Variants in GC observed in about 807,000 individuals in gnomAD.
GC encodes GC vitamin D binding protein.
In GC, 43 loss-of-function variants were observed where a neutral mutation model predicts 56.7. The ratio of observed to expected loss-of-function variants is 0.76; its 90% CI spans 0.59 to 0.98. The LOEUF (loss-of-function observed/expected upper bound fraction) is 0.98, where lower values mean the gene tolerates loss of function less well. Among genes scored for constraint, GC ranks in the 50% least tolerant of loss-of-function variants. The pLI is 0.00. For synonymous variants in GC, 216 were observed against 202.7 expected (o/e 1.07, Z -0.56); for missense variants, 529 against 545.9 (o/e 0.97, Z 0.31).
chr4:71,755,620 G>A (rs1166801435), intron 8 of GC, among the ~76,000 whole-genome samples: 2 of 152,120 alleles, frequency 1.3e-5, no homozygotes, highest in Non-Finnish European at 2.9e-5. Flanking sequence ...ACTTGCTATT[G>A]TGACTAGTCA....
At chr4:71,801,264 C>T (rs1375049964) in intron 1 of GC, among the ~76,000 whole-genome samples, 1 of 152,150 alleles carries the variant, frequency 6.6e-6, no homozygotes, top group Admixed American at 6.5e-5. Context: ...CAAAGCAAAA[C>T]CAAAATGAAA....
intron 1 of GC, among the ~76,000 whole-genome samples, chr4:71,773,888 G>T (rs1184188978): frequency 1.3e-5 from 2 of 151,876 alleles, no homozygotes; most frequent in African/African-American, 4.8e-5. Flanking sequence ...TGTCAGAAAA[G>T]CTCAGTATAT....
At chr4:71,796,594 G>C (rs971134780) in intron 1 of GC, among the ~76,000 whole-genome samples, 1 of 152,084 alleles carries the variant, frequency 6.6e-6, no homozygotes, top group African/African-American at 2.4e-5. Context: ...GAGCTTCCTT[G>C]TGATGGGTTA....
intron 1 of GC, among the ~76,000 whole-genome samples, chr4:71,800,151 G>C (rs554454810): frequency 4.6e-5 from 7 of 151,876 alleles, no homozygotes; most frequent in African/African-American, 1.5e-4. Context: ...TGTGTGCCAT[G>C]GTGGTTTGCT....
At chr4:71,758,773 TGTG>T (rs1248325019) in intron 6 of GC, among the ~76,000 whole-genome samples, 3 of 152,192 alleles carry the variant, frequency 2.0e-5, no homozygotes, top group South Asian at 2.1e-4. Context: ...TTTAAAAAAT[TGTG>T]GTGAAAATGA....
chr4:71,750,106 A>G (rs931550372), intron 11 of GC, among the ~76,000 whole-genome samples: 1 of 152,220 alleles, frequency 6.6e-6, no homozygotes, highest in African/African-American at 2.4e-5. Context: ...TTTGGAATGC[A>G]TAGCCCAAGA....
intron 11 of GC, among the ~76,000 whole-genome samples, chr4:71,750,911 C>T (rs373848113): frequency 1.4e-5 from 2 of 143,502 alleles, no homozygotes; most frequent in African/African-American, 2.5e-5. Context: ...AAAAAAAAAA[C>T]GGGTTTAAGG....
chr4:71,780,774 T>C (rs1231225887), intron 1 of GC, among the ~76,000 whole-genome samples: 1 of 152,172 alleles, frequency 6.6e-6, no homozygotes, highest in Non-Finnish European at 1.5e-5. Context: ...GGAACACTTC[T>C]ACACTGTTGG....
chr4:71,769,093 G>T (rs1742266367), intron 2 of GC, among the ~76,000 whole-genome samples: 1 of 152,128 alleles, frequency 6.6e-6, no homozygotes, highest in Non-Finnish European at 1.5e-5. Context: ...TATTATCTTT[G>T]AACTCATTCA....
chr4:71,748,458 A>G (rs534609108), intron 11 of GC, among the ~76,000 whole-genome samples: 2 of 152,182 alleles, frequency 1.3e-5, no homozygotes, highest in Admixed American at 1.3e-4. Context: ...TATTACAATG[A>G]CTTTTGGAAT....
chr4:71,783,967 C>G lies in GC; in HGVS notation c.52G>C (p.Glu18Gln), dbSNP rs1386651674. ...ACAACAAAAGAAATCTTACCTCTCT[C>G]TAAAGCATGTCCAAATGCCACAGCA... Reference protein sequence around the residue: ...LLAVAFGHALERGRDYEKNKV... With the variant: ...LLAVAFGHALQRGRDYEKNKV... The change falls in exon 1 of 13, where the codon GAG (glutamate) becomes CAG (glutamine). Residue 18 changes from glutamate (E) to glutamine (Q), a missense_variant. Transcript: ENST00000273951. 1 of 1,600,424 alleles carries G rather than the reference C, an allele frequency of 6.2e-7. No homozygotes were observed. The highest frequency in any genetic ancestry group is 8.5e-7 in the Non-Finnish European group (1 of 1,172,498).
At chr4:71,777,611 G>A (rs906971887) in intron 1 of GC, among the ~76,000 whole-genome samples, 3 of 148,510 alleles carry the variant, frequency 2.0e-5, no homozygotes, top group Non-Finnish European at 4.5e-5. Context: ...AATCTAGTAT[G>A]CAATTGTCAA....
upstream of GC, among the ~76,000 whole-genome samples, chr4:71,785,717 T>C (rs1445839623): frequency 6.6e-6 from 1 of 151,778 alleles, no homozygotes; most frequent in African/African-American, 2.4e-5. Context: ...TCAGTTCCCT[T>C]TGGCTGAATT....
At chr4:71,756,635 C>T (rs765485321) in intron 8 of GC, 77 bp downstream of exon 8, 2 of 878,112 alleles carry the variant, frequency 2.3e-6, no homozygotes, top group Non-Finnish European at 3.8e-6. Flanking sequence ...GCATACCTTC[C>T]CTCCATCTGG....
intron 1 of GC, among the ~76,000 whole-genome samples, chr4:71,799,581 G>A (rs1223673781): frequency 6.6e-6 from 1 of 152,166 alleles, no homozygotes; most frequent in East Asian, 1.9e-4. Flanking sequence ...TGGGGCTGAT[G>A]GCTTCCCCCT....
At position 71,752,469 on chromosome 4, in the gene GC, C is replaced by T. The variant is rs146199914; in HGVS notation, c.1395+49G>A. ...AGAAATGAGTAGATTGGAGTGCATACGTTCTTAAAAGATTCTGCCATGTTA... is the reference window on the plus strand; with the variant it reads ...AGAAATGAGTAGATTGGAGTGCATATGTTCTTAAAAGATTCTGCCATGTTA... On this transcript the variant is annotated intron_variant, in intron 11 of 12. Transcript: ENST00000273951. 2.7e-4 allele frequency: 414 copies of T among 1,505,782 alleles called. No homozygotes were observed. In the African/African-American group the frequency reaches 4.7e-3, roughly 17 times the overall value. 93.3% of individuals were successfully genotyped at this position (1,505,782 alleles called of 1,614,324 possible).
chr4:71,756,796 G>A lies in GC; in HGVS notation c.950C>T (p.Ala317Val). ...ATCTGGAAGCTCGGGGAGTTGGGCA[G>A]CTGGCATGAAGTAAGTGCACACAAA... The part of the protein sequence containing the change: ...DVFVCTYFMP[A>V]AQLPELPDVE... The change falls in exon 8 of 13, where the codon GCT becomes GTT. Residue 317 changes from alanine to valine, a missense_variant. Ala to Val is a moderately conservative substitution (Grantham distance 64). Transcript: ENST00000273951. 2.5e-6 allele frequency: 4 copies of A among 1,613,734 alleles called. No individual in the cohort carries two copies. Among genetic ancestry groups the A allele is most frequent in the Non-Finnish European group, 2.5e-6 (3 of 1,179,650 alleles).
At chr4:71,798,354 T>C (rs546715449) in intron 1 of GC, among the ~76,000 whole-genome samples, 1 of 152,370 alleles carries the variant, frequency 6.6e-6, no homozygotes, top group South Asian at 2.1e-4. Flanking sequence ...TTATCTGAAC[T>C]ATGAGTGACA....
intron 1 of GC, among the ~76,000 whole-genome samples, chr4:71,777,166 A>T (rs1293733969): frequency 6.6e-6 from 1 of 151,046 alleles, no homozygotes; most frequent in Non-Finnish European, 1.5e-5. Context: ...GTTAGCAAGA[A>T]TTTTTTTTTC....
Sources: gnomAD v4.1 joint callset for allele counts (sites outside exome capture counted in the v4.1 genomes callset) on GRCh38, gnomAD v4.1.1 for gene constraint, MANE v1.5 for transcripts, NCBI Gene and HGNC (gene_info 2026-07-23, HGNC 2026-07-21) for gene names.